AADAT: variants seen among roughly 807,000 people sequenced by gnomAD.
AADAT encodes the protein kynurenine/alpha-aminoadipate aminotransferase, mitochondrial.
Under a neutral mutation model 56.2 loss-of-function variants are expected in AADAT, and 25 were observed. The ratio of observed to expected loss-of-function variants is 0.44; its 90% CI spans 0.32 to 0.62. The LOEUF (loss-of-function observed/expected upper bound fraction) is 0.62. Ranked by LOEUF, AADAT falls within the 20% of genes least tolerant of loss-of-function variation. The pLI is 0.04. For synonymous variants in AADAT, 173 were observed against 164.7 expected, an observed-to-expected ratio of 1.05 and a Z score of -0.39; for missense variants, 387 against 510.5, an observed-to-expected ratio of 0.76 and a Z score of 2.33.
chr4:170,079,396 G>C (rs1338337159), intron 3 of AADAT, among the ~76,000 whole-genome samples: 5 of 152,174 alleles, frequency 3.3e-5, no homozygotes, highest in African/African-American at 1.2e-4. Context: ...TTTAGGAAGA[G>C]AGTGGGGAGG....
chr4:170,065,768 T>C (rs527589903), intron 10 of AADAT, among the ~76,000 whole-genome samples: 89 of 152,324 alleles, frequency 5.8e-4, no homozygotes, highest in African/African-American at 2.1e-3. Context: ...CCCAAAGTGC[T>C]GGGATTACAG....
At chr4:170,065,702 T>C (rs1018146503) in intron 10 of AADAT, among the ~76,000 whole-genome samples, 2 of 152,260 alleles carry the variant, frequency 1.3e-5, no homozygotes, top group Admixed American at 6.5e-5. Flanking sequence ...GGTTTCACCA[T>C]GTTGGCCAGG....
chr4:170,077,370 G>A (rs964777955), intron 4 of AADAT, among the ~76,000 whole-genome samples: 3 of 151,938 alleles, frequency 2.0e-5, no homozygotes, highest in African/African-American at 7.3e-5. Flanking sequence ...ATTTCTTTCA[G>A]CAAAATTTTT....
chr4:170,068,007 C>T lies in AADAT; in HGVS notation c.900+584G>A, dbSNP rs1035980978. On this transcript the variant is annotated intron_variant, in intron 8 of 12. Transcript: ENST00000337664. The stretch of plus-strand genomic sequence containing the variant: ...TACAAAAATTAGCCGGGCATAGTGA[C>T]GTGTGCCTGTAATCCCAGCTACTCG... 6.6e-5 allele frequency among the ~76,000 whole-genome samples: 10 copies of T among 151,754 alleles called. No individual in the cohort carries two copies. The South Asian group carries it at 8.3e-4, about 13-fold the overall frequency.
chr4:170,074,380 C>A (rs773817190), intron 4 of AADAT, among the ~76,000 whole-genome samples: 30 of 152,016 alleles, frequency 2.0e-4, no homozygotes, highest in Admixed American at 1.6e-3. Context: ...AGCAGTCAGC[C>A]TCAGTATCTT....
rs1731505442 is a variant in AADAT, at chr4:170,067,121, C to G, written c.962+206G>C. Reference sequence around the variant, plus strand: ...CTTAGGAGTGGGTGGACACTGCTTTCAAACCACACCTTGGATGCTGAGAAG... The same window carrying G: ...CTTAGGAGTGGGTGGACACTGCTTTGAAACCACACCTTGGATGCTGAGAAG... On this transcript the variant is annotated intron_variant, in intron 9 of 12. Coordinates refer to ENST00000337664, the MANE Select transcript of AADAT (RefSeq NM_016228.4). 1.3e-5 allele frequency among the ~76,000 whole-genome samples: 2 copies of G among 152,194 alleles called. 1 individual carries two copies. Among genetic ancestry groups the G allele is most frequent in the African/African-American group, 4.8e-5 (2 of 41,450 alleles).
At position 170,089,841 on chromosome 4, in the gene AADAT, G is replaced by T; in HGVS notation, c.-151C>A. On this transcript the variant is annotated 5_prime_UTR_variant, in exon 1 of 13. Coordinates refer to ENST00000337664, the MANE Select transcript of AADAT (RefSeq NM_016228.4). ...CGCTGCGTCTGGCTTCCCGCGCGCG[G>T]TGCCCGGAGAACGCCGCCGAAACTC... 1.3e-6 allele frequency: 1 copy of T among 759,366 alleles called. No homozygotes were observed. Among genetic ancestry groups the T allele is most frequent in the Non-Finnish European group, 2.2e-6 (1 of 459,282 alleles). The allele number at this position is 759,366 out of a possible 1,614,324, so 47.0% of individuals were successfully genotyped here.
At chr4:170,092,822 AGTAACAT>A (rs748508529), upstream of AADAT, among the ~76,000 whole-genome samples, 149 of 152,388 alleles carry the variant, frequency 9.8e-4, no homozygotes, top group Non-Finnish European at 9.3e-4. Context: ...GGCTGTTGTT[AGTAACAT>A]GCATTTAAGC....
chr4:170,081,649 A>G (rs1260001308), intron 3 of AADAT, among the ~76,000 whole-genome samples: 2 of 152,206 alleles, frequency 1.3e-5, no homozygotes, highest in Non-Finnish European at 2.9e-5. Flanking sequence ...AAAAAGAGAA[A>G]TGACATTTTC....
At chr4:170,092,143 G>A (rs1370649798), upstream of AADAT, among the ~76,000 whole-genome samples, 1 of 152,212 alleles carries the variant, frequency 6.6e-6, no homozygotes, top group African/African-American at 2.4e-5. Context: ...GAGAATAAAA[G>A]CAGGCTGCCT....
In AADAT at chr4:170,073,170, G is replaced by A; in HGVS notation, c.620C>T (p.Ser207Leu). The A allele has an allele frequency of 3.7e-6, 6 of 1,614,152 alleles. No individual in the cohort carries two copies. Among genetic ancestry groups the A allele is most frequent in the African/African-American group, 1.3e-5 (1 of 75,038 alleles). The change falls in exon 5 of 13, where the codon TCA (serine) becomes TTA (leucine). Residue 207 changes from serine (S) to leucine (L), a missense_variant. Coordinates refer to ENST00000337664, the MANE Select transcript of AADAT (RefSeq NM_016228.4). ...TTCCTTTTTGCGTTCACTGGTTAATGAGTTTCCAGTAGGGTTGTTGCCATT... is the reference window on the plus strand; with the variant it reads ...TTCCTTTTTGCGTTCACTGGTTAATAAGTTTCCAGTAGGGTTGTTGCCATT... ...VPNGNNPTGNSLTSERKKEIY... is the reference protein window; with the variant it reads ...VPNGNNPTGNLLTSERKKEIY...
intron 3 of AADAT, among the ~76,000 whole-genome samples, chr4:170,085,120 T>C (rs1732493303): frequency 6.6e-6 from 1 of 152,260 alleles, no homozygotes; most frequent in South Asian, 2.1e-4. Flanking sequence ...GTTTACTTTA[T>C]TGTAAAAATA....
chr4:170,061,238 G>T (rs1317254564), intron 12 of AADAT, among the ~76,000 whole-genome samples: 3 of 152,030 alleles, frequency 2.0e-5, no homozygotes, highest in Admixed American at 1.3e-4. Flanking sequence ...CCATAACATG[G>T]ATTATTTTAG....
intron 4 of AADAT, among the ~76,000 whole-genome samples, chr4:170,075,675 A>G (rs1009040860): frequency 6.6e-6 from 1 of 151,960 alleles, no homozygotes; most frequent in Non-Finnish European, 1.5e-5. Flanking sequence ...TGCATCCATC[A>G]CCTCTGTCTA....
chr4:170,079,420 T>C (rs1732187285), intron 3 of AADAT, among the ~76,000 whole-genome samples: 1 of 152,086 alleles, frequency 6.6e-6, no homozygotes, highest in Admixed American at 6.6e-5. Flanking sequence ...AGTCACATGA[T>C]TAGATACTCG....
At chr4:170,091,847 C>G (rs541614810), upstream of AADAT, 192 of 152,322 alleles carry the variant, frequency 1.3e-3, no homozygotes, top group African/African-American at 4.6e-3. Flanking sequence ...ATCTTTATGT[C>G]TAGCTAAGGG....
intron 3 of AADAT, among the ~76,000 whole-genome samples, chr4:170,081,060 C>T (rs1350359331): frequency 6.6e-6 from 1 of 152,064 alleles, no homozygotes; most frequent in Non-Finnish European, 1.5e-5. Flanking sequence ...TAACTCAGAA[C>T]AGCAATTCAG....
At position 170,060,383 on chromosome 4, in the gene AADAT, C is replaced by A. The variant is rs1233020217; in HGVS notation, c.*545G>T. The stretch of plus-strand genomic sequence containing the variant: ...AAGTAGAAAAAGTACACATTATATA[C>A]CATTTTGCACTTAATTACTTCTTTA... On this transcript the variant is annotated 3_prime_UTR_variant, in exon 13 of 13. Coordinates refer to ENST00000337664, the MANE Select transcript of AADAT (RefSeq NM_016228.4). 6.6e-6 allele frequency: 1 copy of A among 152,138 alleles called. No homozygotes were observed. The highest frequency in any genetic ancestry group is 2.4e-5 in the African/African-American group (1 of 41,436). The allele number at this position is 152,138 out of a possible 1,614,324, so 9.4% of individuals were successfully genotyped here.
chr4:170,080,045 G>A (rs986307976), intron 3 of AADAT, among the ~76,000 whole-genome samples: 4 of 152,140 alleles, frequency 2.6e-5, no homozygotes, highest in Non-Finnish European at 5.9e-5. Flanking sequence ...CACACAACAT[G>A]CTACTGAGAG....
Sources: gnomAD v4.1 joint callset for allele counts (sites outside exome capture counted in the v4.1 genomes callset) on GRCh38, gnomAD v4.1.1 for gene constraint, MANE v1.5 for transcripts, NCBI Gene and HGNC (gene_info 2026-07-23, HGNC 2026-07-21) for gene names.